CACNA2D3: variants seen among roughly 807,000 people sequenced by gnomAD.
CACNA2D3 encodes the protein calcium voltage-gated channel auxiliary subunit alpha2delta 3.
A neutral mutation model predicts 160.6 loss-of-function variants in CACNA2D3; 60 were observed. That is an observed-to-expected ratio of 0.37 (90% CI 0.30 to 0.46). The LOEUF (loss-of-function observed/expected upper bound fraction) is 0.46, where lower values mean the gene tolerates loss of function less well. Among genes scored for constraint, CACNA2D3 ranks in the 20% least tolerant of loss-of-function variants. CACNA2D3 has a pLI of 1.00. For missense variants in CACNA2D3, 1,205 were observed against 1,365.0 expected, an observed-to-expected ratio of 0.88 and a Z score of 1.85; for synonymous variants, 558 against 492.9, an observed-to-expected ratio of 1.13 and a Z score of -1.75.
chr3:54,508,646 C>A (rs1701409851), intron 5 of CACNA2D3, among the ~76,000 whole-genome samples: 2 of 152,216 alleles, frequency 1.3e-5, no homozygotes, highest in African/African-American at 4.8e-5. Context: ...TCTTCTTCCC[C>A]CAGTAACGGA....
chr3:54,665,042 T>C (rs760361599), intron 11 of CACNA2D3, among the ~76,000 whole-genome samples: 2 of 152,232 alleles, frequency 1.3e-5, no homozygotes, highest in Non-Finnish European at 2.9e-5. Flanking sequence ...TGTGTTTCTG[T>C]AGGACAATGG....
intron 13 of CACNA2D3, among the ~76,000 whole-genome samples, chr3:54,773,831 T>C (rs751567746): frequency 6.6e-6 from 1 of 152,196 alleles, no homozygotes; most frequent in Non-Finnish European, 1.5e-5. Context: ...TGATATAAAA[T>C]TATTATCTTC....
chr3:54,798,460 C>G (rs932144499), intron 13 of CACNA2D3, among the ~76,000 whole-genome samples: 1 of 152,038 alleles, frequency 6.6e-6, no homozygotes, highest in Admixed American at 6.6e-5. Context: ...TGCTTGAACC[C>G]GAGAGGCAGA....
At chr3:54,123,312 C>CT in intron 1 of CACNA2D3, 1 of 588,388 alleles carries the variant, frequency 1.7e-6, no homozygotes, top group South Asian at 2.2e-5. Flanking sequence ...CGCGACCCCC[C>CT]TCGGGCCCCC....
At chr3:54,500,504 T>TTCCTTCCTTC (rs1701271807) in intron 4 of CACNA2D3, among the ~76,000 whole-genome samples, 5 of 102,124 alleles carry the variant, frequency 4.9e-5, no homozygotes, top group East Asian at 2.7e-4. Flanking sequence ...TTCCTTCCTA[T>TTCCTTCCTTC]CTTCCTTCCT....
rs183400808 is a variant in CACNA2D3 at position 54,424,101 on chromosome 3, T to C, written c.381+37327T>C. On this transcript the variant is annotated intron_variant, in intron 4 of 37. Coordinates refer to ENST00000474759, the MANE Select transcript of CACNA2D3 (RefSeq NM_018398.3). ...GTTTGTTTGTTGGGTAGTGTCTGTG[T>C]GTGTGTGTGTTTGTAGAGACAGGGT... Among the ~76,000 whole-genome samples, 246 of 152,196 alleles carry C rather than the reference T, an allele frequency of 1.6e-3. 1 individual carries two copies. In the Middle Eastern group the frequency reaches 0.02, roughly 13 times the overall value.
At chr3:55,011,015 A>G (rs1703199402) in intron 34 of CACNA2D3, among the ~76,000 whole-genome samples, 1 of 152,240 alleles carries the variant, frequency 6.6e-6, no homozygotes, top group South Asian at 2.1e-4. Flanking sequence ...GGTGCTAGGC[A>G]TGACCATTAG....
At chr3:54,559,585 G>C (rs1388707969) in intron 5 of CACNA2D3, among the ~76,000 whole-genome samples, 1 of 152,106 alleles carries the variant, frequency 6.6e-6, no homozygotes, top group Middle Eastern at 3.2e-3. Context: ...GAGCCATCAC[G>C]CCTGGCTTCA....
intron 18 of CACNA2D3, among the ~76,000 whole-genome samples, chr3:54,877,351 A>T (rs1286569204): frequency 6.6e-6 from 1 of 152,220 alleles, no homozygotes; most frequent in Non-Finnish European, 1.5e-5. Flanking sequence ...GATGACGATG[A>T]TACAGATACT....
intron 27 of CACNA2D3, among the ~76,000 whole-genome samples, chr3:54,920,165 G>A (rs1460146208): frequency 4.6e-5 from 7 of 152,220 alleles, no homozygotes; most frequent in Admixed American, 4.6e-4. Context: ...AAAGACATAT[G>A]TAGAGGGCAT....
chr3:54,257,379 C>A (rs1359521291), intron 2 of CACNA2D3, among the ~76,000 whole-genome samples: 1 of 152,180 alleles, frequency 6.6e-6, no homozygotes, highest in Admixed American at 6.5e-5. Flanking sequence ...TCATGTAAGA[C>A]CTGCATTCTT....
intron 2 of CACNA2D3, among the ~76,000 whole-genome samples, chr3:54,204,789 C>G (rs1211214316): frequency 2.2e-5 from 2 of 91,736 alleles, no homozygotes; most frequent in African/African-American, 9.9e-5. Context: ...GAGCAAGATG[C>G]TGTCTTGAAA....
At chr3:55,042,279 C>T (rs1703973983) in intron 35 of CACNA2D3, among the ~76,000 whole-genome samples, 1 of 152,118 alleles carries the variant, frequency 6.6e-6, no homozygotes, top group African/African-American at 2.4e-5. Flanking sequence ...ATCTACGTCT[C>T]TCTCCCTTTA....
intron 2 of CACNA2D3, among the ~76,000 whole-genome samples, chr3:54,285,205 C>T (rs1702982123): frequency 6.6e-6 from 1 of 152,176 alleles, no homozygotes; most frequent in South Asian, 2.1e-4. Context: ...ACAGACGGCA[C>T]CTGGAAAATC....
chr3:54,287,280 A>C (rs1349671947), intron 2 of CACNA2D3, among the ~76,000 whole-genome samples: 1 of 152,220 alleles, frequency 6.6e-6, no homozygotes, highest in Non-Finnish European at 1.5e-5. Context: ...TTGCAATCCT[A>C]GTCTCTGATA....
At chr3:54,763,745 G>GTATATATA (rs1702139931) in intron 12 of CACNA2D3, among the ~76,000 whole-genome samples, 6 of 94,080 alleles carry the variant, frequency 6.4e-5, no homozygotes, top group Admixed American at 1.2e-4. Flanking sequence ...GTGTATATAT[G>GTATATATA]TGCATATATA....
intron 17 of CACNA2D3, among the ~76,000 whole-genome samples, chr3:54,858,828 T>C (rs1699224884): frequency 6.6e-6 from 1 of 152,226 alleles, no homozygotes; most frequent in African/African-American, 2.4e-5. Flanking sequence ...CCACATTCAT[T>C]TGAATAACTG....
intron 23 of CACNA2D3, among the ~76,000 whole-genome samples, chr3:54,886,149 C>T (rs1699919601): frequency 2.4e-5 from 1 of 41,396 alleles, no homozygotes; most frequent in Non-Finnish European, 4.1e-5. Context: ...AAAGCAGGAA[C>T]AGACCCTATA....
At chr3:54,976,572 A>T (rs534420774) in intron 29 of CACNA2D3, among the ~76,000 whole-genome samples, 4 of 152,322 alleles carry the variant, frequency 2.6e-5, no homozygotes, top group African/African-American at 9.6e-5. Flanking sequence ...TGAGGTTTTC[A>T]TGAGTCGATG....
Sources: gnomAD v4.1 joint callset for allele counts (sites outside exome capture counted in the v4.1 genomes callset) on GRCh38, gnomAD v4.1.1 for gene constraint, MANE v1.5 for transcripts, NCBI Gene and HGNC (gene_info 2026-07-23, HGNC 2026-07-21) for gene names.